The following VAMP2 variants were observed in gnomAD, a reference collection of about 807,000 sequenced individuals.
The protein encoded by VAMP2 is vesicle-associated membrane protein 2.
For missense variants in VAMP2, 95 were observed against 151.3 expected, an observed-to-expected ratio of 0.63 and a Z score of 1.95; for synonymous variants, 67 against 57.3, an observed-to-expected ratio of 1.17 and a Z score of -0.76.
At position 8,161,443 on chromosome 17, in the gene VAMP2, A is replaced by G. The variant is rs746512017; in HGVS notation, c.334+30T>C. Reference sequence around the variant, plus strand: ...TCCACTGGGGAAACCTCTCCAGGGAAAGGGCCCCGGCCATTCTCACCCTAC... The same window carrying G: ...TCCACTGGGGAAACCTCTCCAGGGAGAGGGCCCCGGCCATTCTCACCCTAC... On this transcript the variant is annotated intron_variant, in intron 4 of 4. Coordinates refer to ENST00000316509, the MANE Select transcript of VAMP2 (RefSeq NM_014232.3). 7 of 1,613,424 alleles carry G rather than the reference A, an allele frequency of 4.3e-6. 1 individual carries two copies. In the South Asian group the frequency reaches 6.6e-5, roughly 15 times the overall value.
chr17:8,162,730 C>T (rs1567544347), intron 1 of VAMP2, 148 bp downstream of exon 1: 1 of 1,284,500 alleles, frequency 7.8e-7, no homozygotes. Flanking sequence ...CGCGGGGCTC[C>T]TCGGCCGCCC....
At chr17:8,161,208 T>C in intron 4 of VAMP2, 1 of 585,544 alleles carries the variant, frequency 1.7e-6, no homozygotes, top group East Asian at 2.9e-5. Context: ...TCCAGGGTTC[T>C]CAGACTGGGC....
chr17:8,162,192 A>G (rs1983334204), intron 2 of VAMP2, 57 bp downstream of exon 2: 1 of 1,494,980 alleles, frequency 6.7e-7, no homozygotes, highest in Non-Finnish European at 8.9e-7. Flanking sequence ...GGGCCCCTAC[A>G]CCTATACGCC....
Position 8,160,054 on chromosome 17 carries a change from T to C in VAMP2, c.*801A>G, listed in dbSNP as rs1264239717. The C allele has an allele frequency of 6.6e-6, 1 of 152,162 alleles. No individual in the cohort carries two copies. Among genetic ancestry groups the C allele is most frequent in the African/African-American group, 2.4e-5 (1 of 41,376 alleles). 9.4% of individuals were successfully genotyped at this position (152,162 alleles called of 1,614,324 possible). On this transcript the variant is annotated 3_prime_UTR_variant, in exon 5 of 5. Transcript: ENST00000316509. The stretch of plus-strand genomic sequence containing the variant: ...GGGAGGCAAACTGGACTAGAGGGGC[T>C]AGGAGGAGGCAATGCTGGGGACCAG...
intron 1 of VAMP2, 108 bp downstream of exon 1, chr17:8,162,770 C>T (rs545763294): frequency 4.8e-6 from 6 of 1,237,440 alleles, no homozygotes; most frequent in Non-Finnish European, 5.0e-6. Flanking sequence ...GGCCTGGCCC[C>T]GGGGCGCGGG....
rs1983342883 is a variant in VAMP2 at position 8,162,381 on chromosome 17, G to A, written c.3-12C>T. On this transcript the variant is annotated splice_polypyrimidine_tract_variant and intron_variant, in intron 1 of 4. Transcript: ENST00000316509. ...CAGCGGTAGCAGACCTGAGGAGCAG[G>A]GACGGATTAAGACCCAGGGCCTGCA... 1.2e-6 allele frequency: 2 copies of A among 1,611,076 alleles called. No homozygotes were observed. The highest frequency in any genetic ancestry group is 1.7e-6 in the Non-Finnish European group (2 of 1,179,098).
chr17:8,162,590 G>A (rs895273744), intron 1 of VAMP2: 2 of 1,444,078 alleles, frequency 1.4e-6, no homozygotes, highest in East Asian at 2.7e-5. Context: ...GTCAACTGAG[G>A]GCGACCTCAC....
At chr17:8,162,457 T>C in intron 1 of VAMP2, 88 bp from the exon 2 acceptor site, 1 of 1,561,632 alleles carries the variant, frequency 6.4e-7, no homozygotes, top group Non-Finnish European at 8.7e-7. Flanking sequence ...TCCATCCTCG[T>C]CCCTCCAGTC....
chr17:8,162,543 C>G (rs1300261459), intron 1 of VAMP2, 174 bp from the exon 2 acceptor site: 11 of 1,487,860 alleles, frequency 7.4e-6, no homozygotes, highest in African/African-American at 1.4e-5. Flanking sequence ...GCTGCGTGAC[C>G]TTGAGCGAGG....
At chr17:8,162,486 G>A in intron 1 of VAMP2, 117 bp from the exon 2 acceptor site, 3 of 1,548,880 alleles carry the variant, frequency 1.9e-6, no homozygotes, top group Non-Finnish European at 2.6e-6. Flanking sequence ...CGGGAGGAAG[G>A]CCACCCGATG....
rs751679978 is a variant in VAMP2, at chr17:8,161,491, T to G, written c.316A>C (p.Ile106Leu). The change falls in exon 4 of 5, where the codon ATC becomes CTC. Residue 106 changes from isoleucine to leucine, a missense_variant. Coordinates refer to ENST00000316509, the MANE Select transcript of VAMP2 (RefSeq NM_014232.3). The part of the protein sequence containing the change: ...MIILGVICAI[I>L]LIIIIVYFST ...TACTCACCTATGATGATGATGAGGA[T>G]GATGGCGCAAATCACTCCCAAGATG... The G allele has an allele frequency of 3.2e-5, 51 of 1,614,014 alleles. No individual in the cohort carries two copies. The highest frequency in any genetic ancestry group is 3.8e-5 in the Non-Finnish European group (45 of 1,180,020).
In VAMP2 at chr17:8,160,394, T is replaced by TTTTTTTTTTTTTTTTTTTTTTTTG. The variant is rs772100314; in HGVS notation, c.*460_*461insCAAAAAAAAAAAAAAAAAAAAAAA. ...CAGGTGCTGTTGTTTTTTTTTTTTT[T>TTTTTTTTTTTTTTTTTTTTTTTTG]TTTTTTTTTTTGAGGGCGGGGCAGA... On this transcript the variant is annotated 3_prime_UTR_variant, in exon 5 of 5. Coordinates refer to ENST00000316509, the MANE Select transcript of VAMP2 (RefSeq NM_014232.3). 7.7e-6 allele frequency: 1 copy of TTTTTTTTTTTTTTTTTTTTTTTTG among 129,452 alleles called. No homozygotes were observed. Among genetic ancestry groups the TTTTTTTTTTTTTTTTTTTTTTTTG allele is most frequent in the Non-Finnish European group, 1.7e-5 (1 of 59,738 alleles). The allele number at this position is 129,452 out of a possible 1,614,324, so 8.0% of individuals were successfully genotyped here. A position where few individuals can be genotyped will look rare whatever the true frequency, so the allele number is the denominator to read the frequency against.
rs777546175 is a variant in VAMP2 at position 8,161,755 on chromosome 17, G to A, written c.135C>T (p.Ile45=). 5 of 1,613,330 alleles carry A rather than the reference G, an allele frequency of 3.1e-6. No individual in the cohort carries two copies. Among genetic ancestry groups the A allele is most frequent in the Admixed American group, 3.3e-5 (2 of 59,982 alleles). ...GGACCTTGTCCACGTTCACCCTCAT[G>A]ATGTCCACCACCTGGGAGAAGGGCC... ...TQAQVDEVVD[I]MRVNVDKVLE... Residue 45 remains isoleucine, a synonymous_variant, in exon 3 of 5, where the codon ATC becomes ATT. Transcript: ENST00000316509.
At chr17:8,161,903 G>T in intron 2 of VAMP2, 137 bp from the exon 3 acceptor site, 1 of 1,353,952 alleles carries the variant, frequency 7.4e-7, no homozygotes, top group South Asian at 1.4e-5. Context: ...AGGACACACA[G>T]AACATGCCTA....
In VAMP2 at chr17:8,160,380, G is replaced by GGTTTTTTTTTTTTTTT. The variant is rs779136429; in HGVS notation, c.*474_*475insAAAAAAAAAAAAAAAC. On this transcript the variant is annotated 3_prime_UTR_variant, in exon 5 of 5. Transcript: ENST00000316509. The stretch of plus-strand genomic sequence containing the variant: ...TAAGGAAGCCTGGACAGGTGCTGTT[G>GGTTTTTTTTTTTTTTT]TTTTTTTTTTTTTTTTTTTTTTTTT... 2.8e-5 allele frequency: 1 copy of GGTTTTTTTTTTTTTTT among 35,122 alleles called. No individual in the cohort carries two copies. The highest frequency in any genetic ancestry group is 8.4e-4 in the East Asian group (1 of 1,190). 2.2% of individuals were successfully genotyped at this position (35,122 alleles called of 1,614,324 possible). A position where few individuals can be genotyped will look rare whatever the true frequency, so the allele number is the denominator to read the frequency against.
chr17:8,161,494 T>C lies in VAMP2; in HGVS notation c.313A>G (p.Ile105Val), dbSNP rs1229556414. Residue 105 changes from isoleucine (I) to valine (V), a missense_variant, in exon 4 of 5, where the codon ATC (isoleucine) becomes GTC (valine). Physicochemically the swap from Ile to Val is conservative, Grantham distance 29. Coordinates refer to ENST00000316509, the MANE Select transcript of VAMP2 (RefSeq NM_014232.3). ...MMIILGVICA[I>V]ILIIIIVYFS... ...TCACCTATGATGATGATGAGGATGA[T>C]GGCGCAAATCACTCCCAAGATGATC... is the stretch of plus-strand genomic sequence containing the variant. 2 of 1,614,036 alleles carry C rather than the reference T, an allele frequency of 1.2e-6. No homozygotes were observed. The highest frequency in any genetic ancestry group is 2.2e-5 in the East Asian group (1 of 44,890).
Position 8,160,645 on chromosome 17 carries a change from C to T in VAMP2, c.*210G>A. 3.0e-6 allele frequency: 1 copy of T among 334,532 alleles called. No individual in the cohort carries two copies. The highest frequency in any genetic ancestry group is 5.2e-6 in the Non-Finnish European group (1 of 190,996). The allele number at this position is 334,532 out of a possible 1,614,324, so 20.7% of individuals were successfully genotyped here. On this transcript the variant is annotated 3_prime_UTR_variant, in exon 5 of 5. Transcript: ENST00000316509. ...GGGTGTTAAGGACAACCGGAAAAAT[C>T]ATCTAGTAATAAAACTACAAACAGA... is the stretch of plus-strand genomic sequence containing the variant.
chr17:8,160,909 G>A (rs367811504), intron 4 of VAMP2, 38 bp from the exon 5 acceptor site: 9 of 1,541,566 alleles, frequency 5.8e-6, no homozygotes, highest in Middle Eastern at 3.4e-4. Flanking sequence ...AAGAGGGAGA[G>A]GGGAGAGAAA....
At chr17:8,161,036 G>A (rs1055068393) in intron 4 of VAMP2, 165 bp from the exon 5 acceptor site, 4 of 605,952 alleles carry the variant, frequency 6.6e-6, no homozygotes, top group Non-Finnish European at 1.2e-5. Context: ...CAAGGGGCTA[G>A]ACAGGTAGGT....
Sources: allele counts gnomAD v4.1 joint callset, GRCh38; gene constraint gnomAD v4.1.1; transcripts MANE v1.5; gene names NCBI Gene and HGNC (gene_info 2026-07-23, HGNC 2026-07-21).